The following NLRP1 variants were observed in gnomAD, a reference collection of about 807,000 sequenced individuals.
NLRP1 encodes NLR family pyrin domain containing 1, also known as NACHT, LRR and PYD domains-containing protein 1.
A neutral mutation model predicts 136.7 loss-of-function variants in NLRP1; 94 were observed. That is an observed-to-expected ratio of 0.69 (90% CI 0.58 to 0.82). The LOEUF (loss-of-function observed/expected upper bound fraction) is 0.82. Ranked by LOEUF, NLRP1 falls within the 40% of genes least tolerant of loss-of-function variation. The probability of loss-of-function intolerance (pLI) is 0.00; values close to 1 mark genes in which losing one functional copy is unlikely to be tolerated. For synonymous variants in NLRP1, 690 were observed against 725.1 expected, an observed-to-expected ratio of 0.95 and a Z score of 0.78; for missense variants, 1,575 against 1,802.7, an observed-to-expected ratio of 0.87 and a Z score of 2.29.
At chr17:5,521,910 C>T (rs1165815791) in intron 12 of NLRP1, 124 bp from the exon 13 acceptor site, 17 of 953,506 alleles carry the variant, frequency 1.8e-5, no homozygotes, top group South Asian at 1.2e-4. Context: ...CTGCAACCTC[C>T]GCCTCCTGGG....
At chr17:5,548,887 G>A (rs1350529495) in intron 5 of NLRP1, among the ~76,000 whole-genome samples, 1 of 152,052 alleles carries the variant, frequency 6.6e-6, no homozygotes, top group Non-Finnish European at 1.5e-5. Flanking sequence ...CTCTTCTTTG[G>A]CCATTAAATA....
rs368659491 is a variant in NLRP1, at chr17:5,543,770, C to T, written c.2529-1743G>A. ...TGAGCAACTGTCAGAGCAGCGACTT[C>T]GGGAGATGTTTGGAGCAGACCCTGT... On this transcript the variant is annotated intron_variant, in intron 5 of 16. Coordinates refer to ENST00000572272, the MANE Select transcript of NLRP1 (RefSeq NM_033004.4). Among the ~76,000 whole-genome samples, 278 of 152,084 alleles carry T rather than the reference C, an allele frequency of 1.8e-3. 1 individual carries two copies. The highest frequency in any genetic ancestry group is 7.1e-3 in the South Asian group (34 of 4,816).
chr17:5,538,384 C>T (rs1786636438), intron 7 of NLRP1, among the ~76,000 whole-genome samples: 1 of 152,118 alleles, frequency 6.6e-6, no homozygotes, highest in Admixed American at 6.5e-5. Context: ...CCTCTTTGTT[C>T]TGGGCCTTTC....
intron 5 of NLRP1, among the ~76,000 whole-genome samples, chr17:5,550,890 G>T (rs1294192302): frequency 6.6e-6 from 1 of 151,920 alleles, no homozygotes; most frequent in African/African-American, 2.4e-5. Context: ...GTAGTTTTAG[G>T]TTCACAGTAA....
At chr17:5,512,083 G>T, downstream of NLRP1, 2 of 731,214 alleles carry the variant, frequency 2.7e-6, no homozygotes, top group Non-Finnish European at 5.0e-6. Flanking sequence ...GGGTTTTTGT[G>T]GTTTTGGTGC....
chr17:5,524,881 G>A (rs1179292141), intron 12 of NLRP1, among the ~76,000 whole-genome samples: 1 of 152,078 alleles, frequency 6.6e-6, no homozygotes, highest in East Asian at 1.9e-4. Context: ...GGACCGAGAG[G>A]GCTCCTGGGG....
chr17:5,572,886 G>C (rs916072324), intron 3 of NLRP1, among the ~76,000 whole-genome samples: 1 of 152,188 alleles, frequency 6.6e-6, no homozygotes, highest in Non-Finnish European at 1.5e-5. Context: ...AACTCCCAGG[G>C]TGAGCAGCGC....
Position 5,583,548 on chromosome 17 carries a change from C to T in NLRP1, c.271+139G>A. On this transcript the variant is annotated intron_variant, in intron 1 of 16. Transcript: ENST00000572272. The surrounding 1 kb of genome is among the most constrained non-coding windows in gnomAD (Gnocchi z 4.5). ...CCAGCATAGTCTGGGGCCTGGATCC[C>T]CCTTTGAGAGGGCAGTTCCATGTCA... 1.1e-6 allele frequency: 1 copy of T among 910,266 alleles called. No individual in the cohort carries two copies. Among genetic ancestry groups the T allele is most frequent in the East Asian group, 2.7e-5 (1 of 37,578 alleles). The allele number at this position is 910,266 out of a possible 1,614,324, so 56.4% of individuals were successfully genotyped here.
At chr17:5,503,863 A>C (rs534296319) in intron 15 of NLRP1, 1 of 152,342 alleles carries the variant, frequency 6.6e-6, no homozygotes, top group South Asian at 2.1e-4. Flanking sequence ...GACAAAGGCT[A>C]CCTTTAGCTC....
chr17:5,558,692 T>C lies in NLRP1; in HGVS notation c.2004A>G (p.Ala668=). Residue 668 remains alanine (A), a synonymous_variant, in exon 4 of 17, where the codon GCA becomes GCG. Transcript: ENST00000572272. ...EAYGIHGLFG[A]STTRFLLGLL... ...GGCCCAATAGGAAACGTGTGGTTGA[T>C]GCCCCAAACAGGCCATGTATTCCAT... The C allele has an allele frequency of 4.3e-6, 7 of 1,614,186 alleles. No homozygotes were observed. The highest frequency in any genetic ancestry group is 5.9e-6 in the Non-Finnish European group (7 of 1,180,026).
At chr17:5,539,695 G>A (rs1014672196) in intron 6 of NLRP1, 110 bp from the exon 7 acceptor site, 8 of 1,421,100 alleles carry the variant, frequency 5.6e-6, no homozygotes, top group Middle Eastern at 1.9e-4. Context: ...GAGGGTCTGG[G>A]ATGACATGCA....
chr17:5,581,834 C>A, intron 3 of NLRP1, 25 bp downstream of exon 3: 2 of 1,597,334 alleles, frequency 1.3e-6, no homozygotes, highest in Non-Finnish European at 1.7e-6. Flanking sequence ...CTCACCACCC[C>A]GCCAGGAGCT....
intron 4 of NLRP1, 50 bp downstream of exon 4, chr17:5,558,289 G>A (rs199938676): frequency 5.2e-6 from 8 of 1,542,912 alleles, no homozygotes; most frequent in Non-Finnish European, 6.1e-6. Flanking sequence ...GGTCACTCGG[G>A]CTTATGGACT....
chr17:5,553,368 A>T lies in NLRP1; in HGVS notation c.2528+18T>A. On this transcript the variant is annotated intron_variant, in intron 5 of 16. Coordinates refer to ENST00000572272, the MANE Select transcript of NLRP1 (RefSeq NM_033004.4). ...CTTCCCCATCCCTGCTTCAGAACAGAACCCAGGCCAGACTCACCGCAGGGT... is the reference window on the plus strand; with the variant it reads ...CTTCCCCATCCCTGCTTCAGAACAGTACCCAGGCCAGACTCACCGCAGGGT... 3.8e-6 allele frequency: 6 copies of T among 1,597,530 alleles called. No individual in the cohort carries two copies. Among genetic ancestry groups the T allele is most frequent in the Non-Finnish European group, 5.1e-6 (6 of 1,169,396 alleles).
chr17:5,511,069 G>A (rs897402163), downstream of NLRP1, among the ~76,000 whole-genome samples: 3 of 152,048 alleles, frequency 2.0e-5, no homozygotes, highest in East Asian at 5.8e-4. Context: ...CATCTAATGG[G>A]TGGTAGAGCC....
intron 5 of NLRP1, among the ~76,000 whole-genome samples, chr17:5,549,671 T>C (rs1913089720): frequency 1.3e-5 from 2 of 152,230 alleles, no homozygotes; most frequent in South Asian, 4.1e-4. Context: ...CTTTTCAATC[T>C]GGAAGCTGTT....
downstream of NLRP1, among the ~76,000 whole-genome samples, chr17:5,513,320 G>A (rs1907759001): frequency 6.6e-6 from 1 of 152,088 alleles, no homozygotes; most frequent in African/African-American, 2.4e-5. Flanking sequence ...TCAAAAGCCT[G>A]AGCTCAAGTG....
downstream of NLRP1, among the ~76,000 whole-genome samples, chr17:5,510,004 G>A (rs147872877): frequency 5.3e-5 from 8 of 152,000 alleles, no homozygotes; most frequent in East Asian, 1.9e-4. Flanking sequence ...CTGTTCAACC[G>A]TCACATCCAT....
At chr17:5,524,890 G>C (rs1025812622) in intron 12 of NLRP1, among the ~76,000 whole-genome samples, 1 of 152,174 alleles carries the variant, frequency 6.6e-6, no homozygotes, top group African/African-American at 2.4e-5. Context: ...GGGCTCCTGG[G>C]GGTGCAGGAC....
Sources: gnomAD v4.1 joint callset for allele counts (sites outside exome capture counted in the v4.1 genomes callset) on GRCh38, gnomAD v4.1.1 for gene constraint, Gnocchi (gnomAD v3.1) non-coding constraint, MANE v1.5 for transcripts, NCBI Gene and HGNC (gene_info 2026-07-23, HGNC 2026-07-21) for gene names.